The following TAF2 variants were observed in gnomAD, a reference collection of about 807,000 sequenced individuals.
The protein encoded by TAF2 is transcription initiation factor TFIID subunit 2.
A neutral mutation model predicts 138.5 loss-of-function variants in TAF2; 61 were observed. The ratio of observed to expected loss-of-function variants is 0.44; its 90% CI spans 0.36 to 0.54. TAF2 has a LOEUF of 0.54. TAF2 is among the 20% of genes least tolerant of loss of function. The pLI is 0.00. For synonymous variants in TAF2, 475 were observed against 469.9 expected (o/e 1.01, Z -0.14); for missense variants, 1,090 against 1,427.9 (o/e 0.76, Z 3.81).
At chr8:119,786,305 A>G (rs1823006873) in intron 14 of TAF2, among the ~76,000 whole-genome samples, 1 of 152,216 alleles carries the variant, frequency 6.6e-6, no homozygotes, top group African/African-American at 2.4e-5. Context: ...AGTAAGCAAG[A>G]TGTAGAGGCT....
chr8:119,795,194 C>T (rs1823737892), intron 9 of TAF2, among the ~76,000 whole-genome samples: 1 of 152,144 alleles, frequency 6.6e-6, no homozygotes, highest in African/African-American at 2.4e-5. Flanking sequence ...AATTGCCCTC[C>T]TTAAACAGAG....
chr8:119,797,896 A>C, intron 6 of TAF2, 50 bp from the exon 7 acceptor site: 1 of 1,564,340 alleles, frequency 6.4e-7, no homozygotes. Context: ...GTTAAATTTA[A>C]TATTGGAAAT....
intron 2 of TAF2, among the ~76,000 whole-genome samples, chr8:119,821,971 G>A (rs151257864): frequency 1.3e-5 from 2 of 152,252 alleles, no homozygotes; most frequent in East Asian, 1.9e-4. Flanking sequence ...GGTTGAGGCT[G>A]CAGCGAGTCA....
intron 3 of TAF2, among the ~76,000 whole-genome samples, chr8:119,816,917 G>C (rs578062862): frequency 6.6e-6 from 1 of 152,052 alleles, no homozygotes; most frequent in Non-Finnish European, 1.5e-5. Flanking sequence ...TAAAACTTTC[G>C]TCTAATAAAA....
chr8:119,765,811 T>C (rs1821383234), intron 18 of TAF2, among the ~76,000 whole-genome samples: 2 of 152,236 alleles, frequency 1.3e-5, no homozygotes, highest in Admixed American at 1.3e-4. Flanking sequence ...ACTGTCGGGA[T>C]TCCTCTAAGT....
intron 14 of TAF2, among the ~76,000 whole-genome samples, chr8:119,787,956 G>C (rs1181870794): frequency 6.6e-6 from 1 of 152,168 alleles, no homozygotes; most frequent in Non-Finnish European, 1.5e-5. Context: ...GACGAAGCTG[G>C]AAACCATCAT....
chr8:119,808,516 T>G (rs886451287), intron 3 of TAF2, among the ~76,000 whole-genome samples: 1 of 152,196 alleles, frequency 6.6e-6, no homozygotes, highest in Non-Finnish European at 1.5e-5. Context: ...CCCTAAATCA[T>G]GAATGTCCTT....
Position 119,793,381 on chromosome 8 carries a change from C to T in TAF2, c.1262G>A (p.Gly421Glu), listed in dbSNP as rs61753748. The change falls in exon 10 of 26, where the codon GGA (glycine) becomes GAA (glutamate). Residue 421 changes from glycine to glutamate, a missense_variant. By Grantham distance (98) the Gly-to-Glu change is moderately conservative (BLOSUM62 -2). Around this residue, in one of 3 missense-constraint regions of TAF2, gnomAD observed 504 missense variants for 680.9 expected, o/e 0.74. Transcript: ENST00000378164. ...GVLLHPIFGG[G>E]KEKDNPASHL... Reference sequence around the variant, plus strand: ...ATAAACATACTTATCCTTCTCTTTTCCTCCACCAAATATGGGATGTAGTAA... The same window carrying T: ...ATAAACATACTTATCCTTCTCTTTTTCTCCACCAAATATGGGATGTAGTAA... The T allele has an allele frequency of 1.8e-3, 2,837 of 1,612,592 alleles. 10 individuals are homozygous for T. Among genetic ancestry groups the T allele is most frequent in the Non-Finnish European group, 1.4e-3 (1,604 of 1,179,008 alleles).
chr8:119,785,309 A>G (rs1450669076), intron 14 of TAF2, 43 bp from the exon 15 acceptor site: 1 of 1,369,950 alleles, frequency 7.3e-7, no homozygotes, highest in Admixed American at 1.7e-5. Flanking sequence ...TGAGATTTCT[A>G]ATTCTGAATG....
At chr8:119,738,071 G>C (rs1031695916) in intron 25 of TAF2, among the ~76,000 whole-genome samples, 1 of 150,710 alleles carries the variant, frequency 6.6e-6, no homozygotes, top group African/African-American at 2.4e-5. Context: ...TACTATAATT[G>C]AATATAAGTA....
intron 17 of TAF2, among the ~76,000 whole-genome samples, chr8:119,780,657 C>A (rs967067521): frequency 6.6e-6 from 1 of 152,052 alleles, no homozygotes; most frequent in Admixed American, 6.6e-5. Context: ...AAAAAGAGGC[C>A]GGGCGCGGTG....
intron 25 of TAF2, among the ~76,000 whole-genome samples, chr8:119,739,161 T>C (rs191225729): frequency 1.3e-5 from 2 of 152,222 alleles, no homozygotes; most frequent in East Asian, 3.9e-4. Context: ...GGAATTCCCT[T>C]GCTCCTTGTT....
intron 18 of TAF2, among the ~76,000 whole-genome samples, chr8:119,774,563 T>G (rs985836150): frequency 6.6e-6 from 1 of 151,738 alleles, no homozygotes; most frequent in African/African-American, 2.4e-5. Context: ...ACATAAGCCC[T>G]CTTCCAATGT....
chr8:119,740,840 G>C (rs1283621317), intron 25 of TAF2, among the ~76,000 whole-genome samples: 1 of 151,894 alleles, frequency 6.6e-6, no homozygotes, highest in African/African-American at 2.4e-5. Context: ...TTTAAGACTT[G>C]CTCAGTGACC....
At chr8:119,799,321 G>A (rs185464951) in intron 6 of TAF2, among the ~76,000 whole-genome samples, 1,339 of 132,338 alleles carry the variant, frequency 0.01, 20 homozygotes, top group African/African-American at 0.035. Context: ...CCCACCCCAC[G>A]ACAGGCCCCG....
chr8:119,734,160 G>A (rs1819064128), intron 25 of TAF2, among the ~76,000 whole-genome samples: 1 of 151,994 alleles, frequency 6.6e-6, no homozygotes, highest in South Asian at 2.1e-4. Context: ...GCTGCATCGT[G>A]GTCTTCCTAA....
At chr8:119,788,975 G>A (rs1306034020) in intron 12 of TAF2, 71 bp from the exon 13 acceptor site, 2 of 1,040,478 alleles carry the variant, frequency 1.9e-6, no homozygotes, top group Admixed American at 1.7e-5. Context: ...TATCCATCAT[G>A]GTATTAATAA....
At chr8:119,802,146 C>T (rs890711505) in intron 5 of TAF2, 121 bp from the exon 6 acceptor site, 18 of 824,696 alleles carry the variant, frequency 2.2e-5, no homozygotes, top group African/African-American at 5.2e-5. Flanking sequence ...AGCTATTTGG[C>T]TACTGAAGCT....
At chr8:119,814,341 A>G (rs938253283) in intron 3 of TAF2, among the ~76,000 whole-genome samples, 3 of 152,134 alleles carry the variant, frequency 2.0e-5, no homozygotes, top group Non-Finnish European at 4.4e-5. Flanking sequence ...TTACTTAACC[A>G]TAATCAATAA....
Sources: allele counts gnomAD v4.1 joint callset (sites outside exome capture counted in the v4.1 genomes callset), GRCh38; gene constraint gnomAD v4.1.1; regional missense constraint gnomAD v4.1.1; transcripts MANE v1.5; gene names NCBI Gene and HGNC (gene_info 2026-07-23, HGNC 2026-07-21).